EDEM3: variants seen among roughly 807,000 people sequenced by gnomAD.
EDEM3 encodes ER degradation-enhancing alpha-mannosidase-like protein 3.
In EDEM3, 60 loss-of-function variants were observed where a neutral mutation model predicts 110.2. That is an observed-to-expected ratio of 0.54 (90% confidence interval 0.44 to 0.67). The LOEUF (loss-of-function observed/expected upper bound fraction) is 0.67, where lower values mean the gene tolerates loss of function less well. Ranked by LOEUF, EDEM3 falls within the 30% of genes least tolerant of loss-of-function variation. The pLI is 0.00. For missense variants in EDEM3, 996 were observed against 1,121.0 expected (o/e 0.89, Z 1.59); for synonymous variants, 352 against 382.9 (o/e 0.92, Z 0.94).
At chr1:184,699,293 T>C (rs1049891337) in intron 19 of EDEM3, among the ~76,000 whole-genome samples, 3 of 151,732 alleles carry the variant, frequency 2.0e-5, no homozygotes, top group African/African-American at 7.3e-5. Context: ...AGAACTGTAT[T>C]AAAAGGACAC....
At chr1:184,742,057 C>G (rs145566090) in intron 2 of EDEM3, among the ~76,000 whole-genome samples, 1 of 152,218 alleles carries the variant, frequency 6.6e-6, no homozygotes, top group South Asian at 2.1e-4. Context: ...TCTCCTACTG[C>G]CTCTCAGTCA....
At chr1:184,720,269 A>AT (rs34298571) in intron 9 of EDEM3, among the ~76,000 whole-genome samples, 3,423 of 149,858 alleles carry the variant, frequency 0.023, 57 homozygotes, top group Non-Finnish European at 0.034. Flanking sequence ...ACTTTTACTA[A>AT]TTTTTTTTTT....
chr1:184,736,213 C>G (rs754343642), intron 4 of EDEM3, among the ~76,000 whole-genome samples: 1 of 151,802 alleles, frequency 6.6e-6, no homozygotes, highest in Admixed American at 6.6e-5. Context: ...ACAAGTGAAC[C>G]TCTTAAGCTG....
chr1:184,746,700 T>C (rs1445554559), intron 2 of EDEM3, among the ~76,000 whole-genome samples: 1 of 152,188 alleles, frequency 6.6e-6, no homozygotes, highest in Admixed American at 6.5e-5. Context: ...CCAGAGTTCT[T>C]GCTCTTAATA....
chr1:184,692,871 G>C lies in EDEM3; in HGVS notation c.*1192C>G, dbSNP rs1196508646. ...ATTGTACTTTTTTTTTTAAACACAG[G>C]TCACCATACACTAATTTTCAAGTCC... On this transcript the variant is annotated 3_prime_UTR_variant, in exon 20 of 20. Coordinates refer to ENST00000318130, the MANE Select transcript of EDEM3 (RefSeq NM_025191.4). 6.7e-6 allele frequency: 1 copy of C among 150,118 alleles called. No individual in the cohort carries two copies. The highest frequency in any genetic ancestry group is 1.5e-5 in the Non-Finnish European group (1 of 67,742). The allele number at this position is 150,118 out of a possible 1,614,324, so 9.3% of individuals were successfully genotyped here. A position where few individuals can be genotyped will look rare whatever the true frequency, so the allele number is the denominator to read the frequency against.
intron 2 of EDEM3, among the ~76,000 whole-genome samples, chr1:184,747,157 T>C (rs1343475503): frequency 6.6e-6 from 1 of 151,126 alleles, no homozygotes; most frequent in Non-Finnish European, 1.5e-5. Flanking sequence ...AAGAAATTGG[T>C]TCCTGTTCTT....
At chr1:184,721,935 G>A (rs2102090673) in intron 8 of EDEM3, among the ~76,000 whole-genome samples, 2 of 152,002 alleles carry the variant, frequency 1.3e-5, no homozygotes, top group Admixed American at 1.3e-4. Flanking sequence ...TGCTATGACT[G>A]CAAGGAAATG....
intron 2 of EDEM3, among the ~76,000 whole-genome samples, chr1:184,740,930 TGA>T (rs1652101857): frequency 6.6e-6 from 1 of 152,148 alleles, no homozygotes; most frequent in South Asian, 2.1e-4. Flanking sequence ...AGATATTTCA[TGA>T]CACTGAAAGA....
chr1:184,716,766 C>A, intron 13 of EDEM3, 122 bp downstream of exon 13: 2 of 1,357,386 alleles, frequency 1.5e-6, no homozygotes, highest in South Asian at 3.5e-5. Context: ...AAAGTAAACA[C>A]AAGGAACAAA....
intron 18 of EDEM3, 38 bp downstream of exon 18, chr1:184,706,605 C>T (rs767588423): frequency 6.7e-7 from 1 of 1,489,688 alleles, no homozygotes; most frequent in African/African-American, 1.4e-5. Context: ...AAAATTATCT[C>T]CCCTTCAGTC....
In EDEM3 at chr1:184,716,974, T is replaced by A; in HGVS notation, c.1284A>T (p.Thr428=). ...CATATTTATTTAAATTTTCAATAAGTGTCTTCCCTACTTCAAGGTAGTAAG... is the reference window on the plus strand; with the variant it reads ...CATATTTATTTAAATTTTCAATAAGAGTCTTCCCTACTTCAAGGTAGTAAG... ...GDPYYLEVGK[T]LIENLNKYAR... Residue 428 remains threonine (T), a synonymous_variant, in exon 13 of 20, where the codon ACA becomes ACT. Coordinates refer to ENST00000318130, the MANE Select transcript of EDEM3 (RefSeq NM_025191.4). 6.2e-7 allele frequency: 1 copy of A among 1,612,866 alleles called. No individual in the cohort carries two copies. The highest frequency in any genetic ancestry group is 8.5e-7 in the Non-Finnish European group (1 of 1,178,990).
rs111991762 is a variant in EDEM3, at chr1:184,719,108, G to A, written c.1161+54C>T. 24 of 1,013,096 alleles carry A rather than the reference G, an allele frequency of 2.4e-5. No homozygotes were observed. In the African/African-American group the frequency reaches 2.4e-4, roughly 10 times the overall value. 62.8% of individuals were successfully genotyped at this position (1,013,096 alleles called of 1,614,324 possible). ...ACTTATAGTGTATATGTGTACGTGT[G>A]TGTGTGTGTGTGTTTGTGTGTGTGT... On this transcript the variant is annotated intron_variant, in intron 11 of 19. Coordinates refer to ENST00000318130, the MANE Select transcript of EDEM3 (RefSeq NM_025191.4).
At chr1:184,740,351 T>A (rs534635605) in intron 2 of EDEM3, among the ~76,000 whole-genome samples, 21 of 152,304 alleles carry the variant, frequency 1.4e-4, no homozygotes, top group Non-Finnish European at 2.8e-4. Flanking sequence ...TATACACAAG[T>A]TTCAATTACT....
At chr1:184,696,612 T>A (rs182962126) in intron 19 of EDEM3, among the ~76,000 whole-genome samples, 37 of 151,920 alleles carry the variant, frequency 2.4e-4, no homozygotes, top group African/African-American at 8.9e-4. Context: ...GGGGGTGGAT[T>A]GAGGAATTCC....
chr1:184,722,849 T>A lies in EDEM3; in HGVS notation c.853+902A>T, dbSNP rs139546829. ...GAATATTCTAATTTATTTCCATTCA[T>A]CTATGCTTATCAGGGTGTTTTATAA... On this transcript the variant is annotated intron_variant, in intron 8 of 19. Transcript: ENST00000318130. Among the ~76,000 whole-genome samples the A allele has an allele frequency of 2.8e-3, 432 of 152,074 alleles. 5 individuals carry two copies. In the East Asian group the frequency reaches 0.035, roughly 12 times the overall value.
At chr1:184,745,325 A>G (rs1216940354) in intron 2 of EDEM3, among the ~76,000 whole-genome samples, 1 of 152,132 alleles carries the variant, frequency 6.6e-6, no homozygotes, top group East Asian at 1.9e-4. Flanking sequence ...AGTCTACACA[A>G]AAAAAGGTAA....
intron 4 of EDEM3, among the ~76,000 whole-genome samples, chr1:184,736,167 T>C (rs1651811028): frequency 6.6e-6 from 1 of 152,012 alleles, no homozygotes; most frequent in South Asian, 2.1e-4. Context: ...AACAACTGAA[T>C]CAGAATAACT....
At chr1:184,729,670 T>C (rs1288004175) in intron 6 of EDEM3, among the ~76,000 whole-genome samples, 1 of 152,174 alleles carries the variant, frequency 6.6e-6, no homozygotes, top group Non-Finnish European at 1.5e-5. Context: ...GGCAAAAGCA[T>C]ACTAAGCATG....
At chr1:184,717,431 T>C in intron 12 of EDEM3, 109 bp downstream of exon 12, 1 of 769,912 alleles carries the variant, frequency 1.3e-6, no homozygotes, top group Non-Finnish European at 2.1e-6. Context: ...ATCCAATCAT[T>C]ATAATATTAA....
Sources: allele counts gnomAD v4.1 joint callset (sites outside exome capture counted in the v4.1 genomes callset), GRCh38; gene constraint gnomAD v4.1.1; transcripts MANE v1.5; gene names NCBI Gene and HGNC (gene_info 2026-07-23, HGNC 2026-07-21).